RAB17: variants seen among roughly 807,000 people sequenced by gnomAD.
RAB17 encodes the protein ras-related protein Rab-17.
Under a neutral mutation model 19.3 loss-of-function variants are expected in RAB17, and 15 were observed. The observed-to-expected ratio is 0.78, with a 90% CI of 0.52 to 1.20. RAB17 has a LOEUF of 1.20. Ranked by LOEUF, RAB17 falls within the 50% of genes most tolerant of loss-of-function variation. The pLI is 0.00. For synonymous variants in RAB17, 110 were observed against 112.8 expected (o/e 0.97, Z 0.16); for missense variants, 262 against 269.3 (o/e 0.97, Z 0.19).
rs541488205 is a variant in RAB17 at position 237,587,001 on chromosome 2, C to T, written c.-3-844G>A. On this transcript the variant is annotated intron_variant, in intron 1 of 5. Coordinates refer to ENST00000264601, the MANE Select transcript of RAB17 (RefSeq NM_022449.4). The stretch of plus-strand genomic sequence containing the variant: ...GAAATCAGGTTGTCCTGTAGATTTC[C>T]AGTACGGATGTTGCTGATTACACCC... 4.6e-5 allele frequency among the ~76,000 whole-genome samples: 7 copies of T among 152,246 alleles called. No homozygotes were observed. In the South Asian group the frequency reaches 1.2e-3, roughly 27 times the overall value.
At position 237,575,677 on chromosome 2, in the gene RAB17, A is replaced by C. The variant is rs565180815; in HGVS notation, c.436-197T>G. ...AGGGGCGGGGTGTGCTCCCTGGAAG[A>C]GGCTCTTCCTCTAGCTGGCGGGGTG... On this transcript the variant is annotated intron_variant, in intron 4 of 5. Coordinates refer to ENST00000264601, the MANE Select transcript of RAB17 (RefSeq NM_022449.4). 7 of 543,468 alleles carry C rather than the reference A, an allele frequency of 1.3e-5. No homozygotes were observed. The South Asian group carries it at 1.7e-4, about 14-fold the overall frequency. 33.7% of individuals were successfully genotyped at this position (543,468 alleles called of 1,614,324 possible).
chr2:237,587,996 T>C (rs781466263), intron 1 of RAB17, among the ~76,000 whole-genome samples: 4 of 152,048 alleles, frequency 2.6e-5, no homozygotes, highest in Non-Finnish European at 4.4e-5. Flanking sequence ...AAGAAATGAA[T>C]GAATGAGGCC....
At chr2:237,588,331 C>T (rs2081367351) in intron 1 of RAB17, among the ~76,000 whole-genome samples, 1 of 152,208 alleles carries the variant, frequency 6.6e-6, no homozygotes, top group Admixed American at 6.5e-5. Flanking sequence ...ACCCCTTGGC[C>T]TTGGACTTCC....
At chr2:237,576,581 C>T (rs1489801713) in intron 4 of RAB17, 5 of 471,118 alleles carry the variant, frequency 1.1e-5, no homozygotes, top group Non-Finnish European at 2.2e-5. Flanking sequence ...CTTTGGGAGG[C>T]GCGCCCGTCG....
intron 3 of RAB17, 104 bp downstream of exon 3, chr2:237,577,900 G>C: frequency 7.6e-7 from 1 of 1,309,718 alleles, no homozygotes; most frequent in Non-Finnish European, 1.1e-6. Flanking sequence ...CTCACTAATG[G>C]AGTCTCTGTT....
intron 1 of RAB17, among the ~76,000 whole-genome samples, chr2:237,587,854 AAAAG>A (rs929012765): frequency 4.7e-5 from 5 of 106,860 alleles, no homozygotes; most frequent in African/African-American, 2.1e-4. Context: ...AAAGAAAAGA[AAAAG>A]AAAGAAAAAG....
intron 1 of RAB17, among the ~76,000 whole-genome samples, chr2:237,587,519 G>T (rs1301445381): frequency 6.6e-6 from 1 of 152,190 alleles, no homozygotes; most frequent in Non-Finnish European, 1.5e-5. Context: ...GACTGGTCTG[G>T]TCTGCCCTGC....
chr2:237,579,057 T>C (rs2081288846), intron 2 of RAB17: 1 of 152,222 alleles, frequency 6.6e-6, no homozygotes, highest in Non-Finnish European at 1.5e-5. Flanking sequence ...ATCTCCAAAA[T>C]GTTTTGCCCC....
At chr2:237,590,081 A>G (rs1267910310) in intron 1 of RAB17, among the ~76,000 whole-genome samples, 1 of 152,198 alleles carries the variant, frequency 6.6e-6, no homozygotes, top group East Asian at 1.9e-4. Flanking sequence ...CTTCCTAGAT[A>G]TCACTGGGTA....
chr2:237,575,423 GT>G lies in RAB17; in HGVS notation c.492del (p.Lys164AsnfsTer2), dbSNP rs771660639. On this transcript the variant is annotated frameshift_variant, in exon 5 of 6. Transcript: ENST00000264601. LOFTEE classifies it low-confidence loss of function (END_TRUNC). ...AACACCTCCGACACCTGGTGGTTCA[GT>G]TTGGCCGAAGTTTCCATGAACAGCA... ...QKLLFMETSAKLNHQVSEVFN... is the reference protein window; with the variant it reads ...QKLLFMETSAXLNHQVSEVFN... The G allele has an allele frequency of 2.5e-6, 4 of 1,612,562 alleles. No individual in the cohort carries two copies. The highest frequency in any genetic ancestry group is 3.4e-6 in the Non-Finnish European group (4 of 1,179,710).
At position 237,586,102 on chromosome 2, in the gene RAB17, C is replaced by CGGGGCTGGCTG; in HGVS notation, c.42_52dup (p.Arg18ProfsTer27). The CGGGGCTGGCTG allele has an allele frequency of 6.2e-7, 1 of 1,612,732 alleles. No homozygotes were observed. Among genetic ancestry groups the CGGGGCTGGCTG allele is most frequent in the Non-Finnish European group, 8.5e-7 (1 of 1,179,394 alleles). ...TCCCAGGAGAACCAGCTTGAACACA[C>CGGGGCTGGCTG]GGGGCTGGCTGGGGGCAGCCCTGGG... On this transcript the variant is annotated frameshift_variant, in exon 2 of 6. Transcript: ENST00000264601. LOFTEE classifies it high-confidence loss of function.
At chr2:237,581,427 A>AT (rs575639515) in intron 2 of RAB17, among the ~76,000 whole-genome samples, 121 of 150,488 alleles carry the variant, frequency 8.0e-4, no homozygotes, top group African/African-American at 2.9e-3. Flanking sequence ...ATTTAATTTT[A>AT]TTTTTTTAGT....
chr2:237,579,799 G>A (rs537458991), intron 2 of RAB17, among the ~76,000 whole-genome samples: 2 of 118,860 alleles, frequency 1.7e-5, no homozygotes, highest in South Asian at 2.6e-4. Flanking sequence ...CAGCAAGACC[G>A]TGCTTCTCTA....
rs571873294 is a variant in RAB17, at chr2:237,577,274, G to A, written c.418C>T (p.Arg140Trp). The change falls in exon 4 of 6, where the codon CGG becomes TGG. Residue 140 changes from arginine (R) to tryptophan (W), a missense_variant. By Grantham distance (101) the Arg-to-Trp change is moderately radical. Transcript: ENST00000264601. ...VGNKTDLSQEREVTFQEGKEF... is the reference protein window; with the variant it reads ...VGNKTDLSQEWEVTFQEGKEF... ...GGCGGTACCTGGAAGGTCACCTCCC[G>A]CTCCTGGCTGAGGTCCGTCTTGTTG... The A allele has an allele frequency of 1.7e-5, 28 of 1,613,492 alleles. No individual in the cohort carries two copies. The highest frequency in any genetic ancestry group is 1.5e-4 in the South Asian group (14 of 91,040).
At chr2:237,588,162 A>C (rs562279338) in intron 1 of RAB17, among the ~76,000 whole-genome samples, 59 of 152,294 alleles carry the variant, frequency 3.9e-4, no homozygotes, top group African/African-American at 1.4e-3. Flanking sequence ...GTGGGGCCTA[A>C]TGGAAGGGGG....
At chr2:237,590,304 TAC>T (rs1432756947) in intron 1 of RAB17, among the ~76,000 whole-genome samples, 161 bp downstream of exon 1, 3 of 152,130 alleles carry the variant, frequency 2.0e-5, no homozygotes, top group African/African-American at 7.2e-5. Context: ...CCTTTGATTA[TAC>T]ACACATGGGC....
chr2:237,582,376 T>C (rs2081315609), intron 2 of RAB17, among the ~76,000 whole-genome samples: 1 of 152,220 alleles, frequency 6.6e-6, no homozygotes, highest in South Asian at 2.1e-4. Flanking sequence ...GGGCCGGCCT[T>C]GGTGACCTTA....
chr2:237,576,621 C>T (rs770619763), intron 4 of RAB17: 48 of 471,130 alleles, frequency 1.0e-4, no homozygotes, highest in South Asian at 6.2e-5. Flanking sequence ...TCTTCCCCTG[C>T]GCCAGCCTCT....
At position 237,582,038 on chromosome 2, in the gene RAB17, C is replaced by T. The variant is rs149638797; in HGVS notation, c.158-3883G>A. Among the ~76,000 whole-genome samples, 1,201 of 152,398 alleles carry T rather than the reference C, an allele frequency of 7.9e-3. 16 individuals carry two copies. Among genetic ancestry groups the T allele is most frequent in the African/African-American group, 0.027 (1,135 of 41,600 alleles). On this transcript the variant is annotated intron_variant, in intron 2 of 5. Transcript: ENST00000264601. ...CAGGGGCTCCTAAAGCTGCCACCTC[C>T]GCAGCAGGCCCTGGCGGGGGTGGGC...
Sources: allele counts gnomAD v4.1 joint callset (sites outside exome capture counted in the v4.1 genomes callset), GRCh38; gene constraint gnomAD v4.1.1; transcripts MANE v1.5; gene names NCBI Gene and HGNC (gene_info 2026-07-23, HGNC 2026-07-21).